The following FBXO31 variants were observed in gnomAD, a reference collection of about 807,000 sequenced individuals.
FBXO31 encodes F-box protein 31.
Under a neutral mutation model 54.4 loss-of-function variants are expected in FBXO31, and 24 were observed. The observed-to-expected ratio is 0.44, with a 90% CI of 0.32 to 0.62. The LOEUF (loss-of-function observed/expected upper bound fraction) is 0.62, where lower values mean the gene tolerates loss of function less well. Among genes scored for constraint, FBXO31 ranks in the 20% least tolerant of loss-of-function variants. The probability of loss-of-function intolerance (pLI) is 0.05; values close to 1 mark genes in which losing one functional copy is unlikely to be tolerated. For missense variants in FBXO31, 665 were observed against 787.1 expected, an observed-to-expected ratio of 0.84 and a Z score of 1.86; for synonymous variants, 388 against 335.6, an observed-to-expected ratio of 1.16 and a Z score of -1.71.
intron 1 of FBXO31, among the ~76,000 whole-genome samples, chr16:87,368,399 C>A (rs1906456194): frequency 6.6e-6 from 1 of 152,202 alleles, no homozygotes; most frequent in Non-Finnish European, 1.5e-5. Context: ...TCAAGGGAAA[C>A]TGCCCTTAAC....
chr16:87,390,107 CCTCT>C (rs1035551495), upstream of FBXO31, among the ~76,000 whole-genome samples: 1 of 152,126 alleles, frequency 6.6e-6, no homozygotes, highest in Non-Finnish European at 1.5e-5. Flanking sequence ...ATGGTGACAC[CCTCT>C]CTCTACTACA....
At position 87,383,537 on chromosome 16, in the gene FBXO31, G is replaced by A. The variant is rs1907180629; in HGVS notation, c.208C>T (p.Leu70=). 10 of 1,573,114 alleles carry A rather than the reference G, an allele frequency of 6.4e-6. No homozygotes were observed. Among genetic ancestry groups the A allele is most frequent in the Non-Finnish European group, 8.6e-6 (10 of 1,164,896 alleles). The part of the protein sequence containing the change: ...PPPPRCSLLE[L]PPELLVEIFA... Reference sequence around the variant, plus strand: ...ATCTCCACCAGCAGCTCGGGCGGCAGCTCCAGCAGCGAGCAGCGCGGGGGC... The same window carrying A: ...ATCTCCACCAGCAGCTCGGGCGGCAACTCCAGCAGCGAGCAGCGCGGGGGC... The change falls in exon 1 of 9, where the codon CTG becomes TTG. Residue 70 remains leucine (L), a synonymous_variant. Coordinates refer to ENST00000311635, the MANE Select transcript of FBXO31 (RefSeq NM_024735.5). The surrounding 1 kb of genome is among the most constrained non-coding windows in gnomAD (Gnocchi z 4.9).
In FBXO31 at chr16:87,345,104, CAGAGG is replaced by C. The variant is rs1158433869; in HGVS notation, c.490-1344_490-1340del. 6.6e-6 allele frequency among the ~76,000 whole-genome samples: 1 copy of C among 152,180 alleles called. No individual in the cohort carries two copies. Among genetic ancestry groups the C allele is most frequent in the African/African-American group, 2.4e-5 (1 of 41,424 alleles). On this transcript the variant is annotated intron_variant, in intron 3 of 8. Coordinates refer to ENST00000311635, the MANE Select transcript of FBXO31 (RefSeq NM_024735.5). This position sits in a 1 kb window ranked among gnomAD's most constrained non-coding sequence, Gnocchi z 4.9. ...CATGCCAGGCCTGGAAGAACCTGTGCAGAGGCCACGGGGAGACAGACACACCCGCC... is the reference window on the plus strand; with the variant it reads ...CATGCCAGGCCTGGAAGAACCTGTGCCCACGGGGAGACAGACACACCCGCC...
intron 5 of FBXO31, among the ~76,000 whole-genome samples, chr16:87,342,363 G>A (rs1905221133): frequency 6.6e-6 from 1 of 152,144 alleles, no homozygotes; most frequent in Non-Finnish European, 1.5e-5. Context: ...CTTCTTAAGA[G>A]TATTTTGAGA....
At chr16:87,349,163 T>G (rs1184547649) in intron 2 of FBXO31, among the ~76,000 whole-genome samples, 1 of 152,200 alleles carries the variant, frequency 6.6e-6, no homozygotes, top group Admixed American at 6.5e-5. Context: ...CCACAGGTTT[T>G]AAAAAATAAT....
At chr16:87,334,420 A>G in intron 7 of FBXO31, 134 bp from the exon 8 acceptor site, 1 of 759,808 alleles carries the variant, frequency 1.3e-6, no homozygotes, top group Non-Finnish European at 2.1e-6. Context: ...AACGTCCCTT[A>G]CAGAAGAAGA....
At chr16:87,381,350 G>C (rs934760932) in intron 1 of FBXO31, among the ~76,000 whole-genome samples, 1 of 152,164 alleles carries the variant, frequency 6.6e-6, no homozygotes, top group African/African-American at 2.4e-5. Context: ...AAATAGCCAA[G>C]AATCATCAAC....
chr16:87,343,250 T>C (rs1484488370), intron 4 of FBXO31, among the ~76,000 whole-genome samples: 2 of 152,222 alleles, frequency 1.3e-5, no homozygotes, highest in Non-Finnish European at 2.9e-5. Context: ...TGACACGCTG[T>C]GCTCACCGTG....
chr16:87,360,493 G>T, intron 1 of FBXO31, 127 bp from the exon 2 acceptor site: 1 of 725,962 alleles, frequency 1.4e-6, no homozygotes, highest in South Asian at 1.5e-5. Flanking sequence ...GAGTGCATCT[G>T]TCACTGTGGA....
rs1010898234 is a variant in FBXO31 at position 87,338,170 on chromosome 16, G to T, written c.733-1906C>A. Among the ~76,000 whole-genome samples the T allele has an allele frequency of 6.6e-6, 1 of 150,672 alleles. No individual in the cohort carries two copies. The highest frequency in any genetic ancestry group is 2.4e-5 in the African/African-American group (1 of 40,880). ...ACCACCAACCAGACCCTGTTACCCA[G>T]AATAAGGCCGTCCCAAGCATGTTTA... On this transcript the variant is annotated intron_variant, in intron 5 of 8. Transcript: ENST00000311635. This position sits in a 1 kb window ranked among gnomAD's most constrained non-coding sequence, Gnocchi z 4.3.
chr16:87,359,498 T>G (rs947634367), intron 2 of FBXO31, among the ~76,000 whole-genome samples: 2 of 152,124 alleles, frequency 1.3e-5, no homozygotes, highest in African/African-American at 4.8e-5. Flanking sequence ...TGACAACTCT[T>G]AGAGAGAAAT....
chr16:87,359,737 C>T (rs1466360429), intron 2 of FBXO31, among the ~76,000 whole-genome samples: 1 of 152,182 alleles, frequency 6.6e-6, no homozygotes, highest in African/African-American at 2.4e-5. Context: ...AAGAAACACC[C>T]GCGGGAAGAC....
chr16:87,347,332 G>C, intron 2 of FBXO31, 82 bp from the exon 3 acceptor site: 2 of 1,150,654 alleles, frequency 1.7e-6, no homozygotes, highest in Non-Finnish European at 2.6e-6. Flanking sequence ...AGGGAGGAAG[G>C]AACCATGAGG....
chr16:87,372,102 T>C (rs1227355670), intron 1 of FBXO31, among the ~76,000 whole-genome samples: 1 of 151,952 alleles, frequency 6.6e-6, no homozygotes, highest in Admixed American at 6.5e-5. Context: ...CACATGCATG[T>C]AGTCCTAGCT....
rs1269403781 is a variant in FBXO31, at chr16:87,329,940, C to T, written c.*1348G>A. 6.6e-6 allele frequency: 1 copy of T among 152,338 alleles called. No individual in the cohort carries two copies. 9.4% of individuals were successfully genotyped at this position (152,338 alleles called of 1,614,324 possible). A position where few individuals can be genotyped will look rare whatever the true frequency, so the allele number is the denominator to read the frequency against. On this transcript the variant is annotated 3_prime_UTR_variant, in exon 9 of 9. Transcript: ENST00000311635. ...TCCCAGGACATCCTCAGGTTGGTCT[C>T]CACACCAAGGCACACAGACTGTCAC...
intron 7 of FBXO31, 92 bp from the exon 8 acceptor site, chr16:87,334,378 C>T (rs1013978803): frequency 5.8e-6 from 7 of 1,215,854 alleles, no homozygotes; most frequent in Non-Finnish European, 6.8e-6. Context: ...TCTGGCTGAG[C>T]GAGCTGGCAC....
rs143805190 is a variant in FBXO31, at chr16:87,328,808, C to T, written c.*2480G>A. 1 of 152,280 alleles carries T rather than the reference C, an allele frequency of 6.6e-6. No homozygotes were observed. The highest frequency in any genetic ancestry group is 1.5e-5 in the Non-Finnish European group (1 of 68,108). The allele number at this position is 152,280 out of a possible 1,614,324, so 9.4% of individuals were successfully genotyped here. A position where few individuals can be genotyped will look rare whatever the true frequency, so the allele number is the denominator to read the frequency against. On this transcript the variant is annotated 3_prime_UTR_variant, in exon 9 of 9. Coordinates refer to ENST00000311635, the MANE Select transcript of FBXO31 (RefSeq NM_024735.5). ...CAAAAGATGGAGAGTCCCAACCTCC[C>T]AACTCCACCTGCCACCTTCCCCAAT...
chr16:87,337,818 C>G (rs1017014624), intron 5 of FBXO31, among the ~76,000 whole-genome samples: 17 of 133,366 alleles, frequency 1.3e-4, no homozygotes, highest in African/African-American at 5.0e-4. Flanking sequence ...TGCTACCAAA[C>G]TTCTATTAAA....
In FBXO31 at chr16:87,351,300, G is replaced by A. The variant is rs76094474; in HGVS notation, c.413-4050C>T. 2.5e-3 allele frequency among the ~76,000 whole-genome samples: 384 copies of A among 152,298 alleles called. 2 individuals are homozygous for A. The highest frequency in any genetic ancestry group is 0.015 in the East Asian group (79 of 5,190). ...GAGCTGGACACGTACGAGTGTGAGCGTGATCTCTATACCCTAATGCCTCAC... is the reference window on the plus strand; with the variant it reads ...GAGCTGGACACGTACGAGTGTGAGCATGATCTCTATACCCTAATGCCTCAC... On this transcript the variant is annotated intron_variant, in intron 2 of 8. Transcript: ENST00000311635.
Sources: allele counts gnomAD v4.1 joint callset (sites outside exome capture counted in the v4.1 genomes callset), GRCh38; gene constraint gnomAD v4.1.1; non-coding constraint Gnocchi (gnomAD v3.1); transcripts MANE v1.5; gene names NCBI Gene and HGNC (gene_info 2026-07-23, HGNC 2026-07-21).